ZNF503: variants seen among roughly 807,000 people sequenced by gnomAD.
ZNF503 encodes the protein zinc finger protein 503.
A neutral mutation model predicts 34.4 loss-of-function variants in ZNF503; 15 were observed. The ratio of observed to expected loss-of-function variants is 0.44; its 90% CI spans 0.29 to 0.67. ZNF503 has a LOEUF of 0.67. Ranked by LOEUF, ZNF503 falls within the 30% of genes least tolerant of loss-of-function variation. The pLI is 0.13. For synonymous variants in ZNF503, 580 were observed against 456.8 expected, an observed-to-expected ratio of 1.27 and a Z score of -3.44; for missense variants, 1,007 against 926.8, an observed-to-expected ratio of 1.09 and a Z score of -1.12.
chr10:75,354,441 G>T, the ZNF503 span, among the ~76,000 whole-genome samples: 2 of 152,190 alleles, frequency 1.3e-5, no homozygotes, highest in African/African-American at 4.8e-5. Flanking sequence ...TGCTGGGCTT[G>T]GTAGGTCACG....
chr10:75,382,064 C>A, the ZNF503 span, among the ~76,000 whole-genome samples: 2 of 151,852 alleles, frequency 1.3e-5, no homozygotes, highest in Non-Finnish European at 2.9e-5. Flanking sequence ...CTTGCCTTGG[C>A]CTCCCAAAGT....
chr10:75,323,149 C>T, the ZNF503 span, among the ~76,000 whole-genome samples: 1 of 152,136 alleles, frequency 6.6e-6, no homozygotes, highest in African/African-American at 2.4e-5. Context: ...ACTTCTTTCA[C>T]ATAGCAAAAT....
At chr10:75,295,298 C>T in the ZNF503 span, among the ~76,000 whole-genome samples, 1 of 151,808 alleles carries the variant, frequency 6.6e-6, no homozygotes, top group East Asian at 2.0e-4. The surrounding 1 kb of genome is among the most constrained non-coding windows in gnomAD (Gnocchi z 4.0). Flanking sequence ...TCCCTGCAGT[C>T]CCGCCCTCCT....
At chr10:75,294,957 A>G in the ZNF503 span, among the ~76,000 whole-genome samples, 38 of 152,296 alleles carry the variant, frequency 2.5e-4, no homozygotes, top group African/African-American at 8.7e-4. Context: ...TTTCTCTGTC[A>G]GCACCGCGGA....
At chr10:75,291,273 G>A in the ZNF503 span, among the ~76,000 whole-genome samples, 1 of 152,170 alleles carries the variant, frequency 6.6e-6, no homozygotes, top group African/African-American at 2.4e-5. Flanking sequence ...TGGACATGAT[G>A]CTCTAGTCTA....
chr10:75,393,849 ACT>A (rs796168341), downstream of ZNF503, among the ~76,000 whole-genome samples: 3 of 152,174 alleles, frequency 2.0e-5, no homozygotes, highest in African/African-American at 7.2e-5. Flanking sequence ...ACAGAGCGAG[ACT>A]CTGTCTCAAA....
chr10:75,381,802 A>ATTT, the ZNF503 span, among the ~76,000 whole-genome samples: 3 of 41,376 alleles, frequency 7.3e-5, no homozygotes, highest in East Asian at 6.9e-4. Context: ...ACAGAACCTA[A>ATTT]TTCTTTTTTT....
At chr10:75,368,716 G>T in the ZNF503 span, among the ~76,000 whole-genome samples, 1 of 152,202 alleles carries the variant, frequency 6.6e-6, no homozygotes, top group Non-Finnish European at 1.5e-5. Flanking sequence ...ATTGGAAATG[G>T]ATGACCTGGC....
At chr10:75,303,142 A>C in the ZNF503 span, among the ~76,000 whole-genome samples, 1 of 152,134 alleles carries the variant, frequency 6.6e-6, no homozygotes, top group Non-Finnish European at 1.5e-5. Flanking sequence ...CCATATTTTC[A>C]GTTCAAATTT....
At chr10:75,303,579 T>C in the ZNF503 span, among the ~76,000 whole-genome samples, 1 of 152,236 alleles carries the variant, frequency 6.6e-6, no homozygotes, top group Admixed American at 6.5e-5. Context: ...TCTTTCTTAA[T>C]TCACACTTGT....
At chr10:75,339,900 A>G in the ZNF503 span, among the ~76,000 whole-genome samples, 1 of 151,992 alleles carries the variant, frequency 6.6e-6, no homozygotes, top group Non-Finnish European at 1.5e-5. Context: ...TAGGGAGTGA[A>G]AACAAGTGAC....
At chr10:75,286,956 T>C in the ZNF503 span, among the ~76,000 whole-genome samples, 1 of 152,206 alleles carries the variant, frequency 6.6e-6, no homozygotes, top group Non-Finnish European at 1.5e-5. Context: ...CTCCCACCAC[T>C]GGGAGTGAGG....
the ZNF503 span, among the ~76,000 whole-genome samples, chr10:75,309,071 T>C: frequency 1.3e-5 from 2 of 152,238 alleles, no homozygotes; most frequent in East Asian, 3.9e-4. Context: ...CTCAAACTCC[T>C]GAGTTCAAGT....
the ZNF503 span, among the ~76,000 whole-genome samples, chr10:75,364,545 G>C: frequency 6.6e-6 from 1 of 152,116 alleles, no homozygotes; most frequent in Non-Finnish European, 1.5e-5. Context: ...GTCTGGCAGC[G>C]GTAGGGCCCC....
chr10:75,286,020 C>T, the ZNF503 span, among the ~76,000 whole-genome samples: 2 of 152,270 alleles, frequency 1.3e-5, no homozygotes, highest in East Asian at 3.9e-4. Context: ...CAGTGGCTCA[C>T]ACCTGTAATT....
the ZNF503 span, among the ~76,000 whole-genome samples, chr10:75,328,330 C>T: frequency 2.0e-5 from 3 of 152,176 alleles, no homozygotes; most frequent in East Asian, 1.9e-4. Context: ...GTTTTCCTAA[C>T]ACCATTTATT....
At chr10:75,370,804 A>G in the ZNF503 span, among the ~76,000 whole-genome samples, 10 of 120,284 alleles carry the variant, frequency 8.3e-5, no homozygotes, top group African/African-American at 2.9e-4. Context: ...AAAAAAAAAA[A>G]AAAAAAAAAA....
In ZNF503 at chr10:75,400,020, G is replaced by C; in HGVS notation, c.670C>G (p.Pro224Ala). The C allele has an allele frequency of 6.2e-7, 1 of 1,604,072 alleles. No individual in the cohort carries two copies. Among genetic ancestry groups the C allele is most frequent in the Non-Finnish European group, 8.5e-7 (1 of 1,178,568 alleles). The change falls in exon 2 of 2, where the codon CCC (proline) becomes GCC (alanine). Residue 224 changes from proline to alanine, a missense_variant. Physicochemically the swap from Pro to Ala is conservative, Grantham distance 27. Coordinates refer to ENST00000372524, the MANE Select transcript of ZNF503 (RefSeq NM_032772.6). Reference sequence around the variant, plus strand: ...CTGGAGCTCGGGCTGCCTGTCCTGGGCGTGAATGGCTGGCAGGTGGCGCTC... The same window carrying C: ...CTGGAGCTCGGGCTGCCTGTCCTGGCCGTGAATGGCTGGCAGGTGGCGCTC... ...VPSATCQPFT[P>A]RTGSPSSSAS...
At chr10:75,337,806 A>G in the ZNF503 span, among the ~76,000 whole-genome samples, 4 of 152,190 alleles carry the variant, frequency 2.6e-5, no homozygotes, top group African/African-American at 9.6e-5. Context: ...GAGCAAAAGC[A>G]CCCTTCAGGA....
Sources: gnomAD v4.1 joint callset for allele counts (sites outside exome capture counted in the v4.1 genomes callset) on GRCh38, gnomAD v4.1.1 for gene constraint, Gnocchi (gnomAD v3.1) non-coding constraint, MANE v1.5 for transcripts, NCBI Gene and HGNC (gene_info 2026-07-23, HGNC 2026-07-21) for gene names.